CLSTN1: variants seen among roughly 807,000 people sequenced by gnomAD.
CLSTN1 encodes calsyntenin-1.
CLSTN1 carries 28 observed loss-of-function variants against 108.3 expected under a neutral mutation model. That is an observed-to-expected ratio of 0.26 (90% CI 0.19 to 0.35). The LOEUF (loss-of-function observed/expected upper bound fraction) is 0.35, where lower values mean the gene tolerates loss of function less well. Ranked by LOEUF, CLSTN1 falls within the 10% of genes least tolerant of loss-of-function variation. The pLI is 1.00. For missense variants in CLSTN1, 1,157 were observed against 1,302.6 expected (o/e 0.89, Z 1.72); for synonymous variants, 524 against 534.9 (o/e 0.98, Z 0.28).
intron 1 of CLSTN1, among the ~76,000 whole-genome samples, chr1:9,800,647 G>A (rs887584883): frequency 2.7e-5 from 4 of 149,454 alleles, no homozygotes; most frequent in African/African-American, 4.9e-5. Context: ...GGAGAATGAC[G>A]TGAACCCAGG....
intron 1 of CLSTN1, among the ~76,000 whole-genome samples, chr1:9,786,462 C>T (rs1411003018): frequency 6.6e-6 from 1 of 151,624 alleles, no homozygotes; most frequent in Non-Finnish European, 1.5e-5. Context: ...GCCAACATGG[C>T]GAAACCCCGT....
At position 9,734,411 on chromosome 1, in the gene CLSTN1, C is replaced by A. The variant is rs538154916; in HGVS notation, c.2111-269G>T. 5.9e-5 allele frequency among the ~76,000 whole-genome samples: 9 copies of A among 152,204 alleles called. No homozygotes were observed. The highest frequency in any genetic ancestry group is 3.9e-4 in the Admixed American group (6 of 15,282). On this transcript the variant is annotated intron_variant, in intron 14 of 18. Coordinates refer to ENST00000377298, the MANE Select transcript of CLSTN1 (RefSeq NM_001009566.3). This position sits in a 1 kb window ranked among gnomAD's most constrained non-coding sequence, Gnocchi z 4.8. ...CCAACAGGGTGAAAGCCCGTCTCTACTAAAAATACAAAAATTAACCGGGCG... is the reference window on the plus strand; with the variant it reads ...CCAACAGGGTGAAAGCCCGTCTCTAATAAAAATACAAAAATTAACCGGGCG...
intron 1 of CLSTN1, among the ~76,000 whole-genome samples, chr1:9,791,970 G>A (rs1418918056): frequency 1.3e-5 from 2 of 150,964 alleles, no homozygotes; most frequent in Non-Finnish European, 2.9e-5. Flanking sequence ...CCAACATGGG[G>A]AAATCATGTC....
At chr1:9,787,188 GGCTTCTGTTTCCCC>G (rs2101210917) in intron 1 of CLSTN1, among the ~76,000 whole-genome samples, 1 of 150,316 alleles carries the variant, frequency 6.7e-6, no homozygotes, top group East Asian at 2.0e-4. Context: ...CAGAAGAAGG[GGCTTCTGTTTCCCC>G]CTTCTTCCAT....
rs542380649 is a variant in CLSTN1 at position 9,741,165 on chromosome 1, G to C, written c.1448C>G (p.Ser483Cys). ...ATGGAGCGGGTAATCCTCAGTCACA[G>C]AGAAGGGCTCGTGGGACGTGCCATC... ...YVDGTSHEPF[S>C]VTEDYPLHPS... The change falls in exon 10 of 19, where the codon TCT becomes TGT. Residue 483 changes from serine to cysteine, a missense_variant. Ser to Cys is a moderately radical substitution (Grantham distance 112). Transcript: ENST00000377298. 15 of 1,614,206 alleles carry C rather than the reference G, an allele frequency of 9.3e-6. No homozygotes were observed. Among genetic ancestry groups the C allele is most frequent in the Non-Finnish European group, 1.3e-5 (15 of 1,180,038 alleles).
At chr1:9,789,209 C>T (rs564061675) in intron 1 of CLSTN1, among the ~76,000 whole-genome samples, 1 of 151,340 alleles carries the variant, frequency 6.6e-6, no homozygotes, top group African/African-American at 2.4e-5. Context: ...CTGGATCATA[C>T]GGTGATTCTA....
chr1:9,731,103 C>T (rs576910222), intron 18 of CLSTN1, 103 bp downstream of exon 18: 22 of 1,359,190 alleles, frequency 1.6e-5, no homozygotes, highest in Middle Eastern at 2.0e-4. Context: ...GCAGATGACG[C>T]GATGGAAAGC....
intron 1 of CLSTN1, among the ~76,000 whole-genome samples, chr1:9,780,009 C>A (rs1315080323): frequency 6.6e-6 from 1 of 152,238 alleles, no homozygotes; most frequent in Admixed American, 6.5e-5. Flanking sequence ...TGCATCACCA[C>A]ACTCGGCTAA....
chr1:9,748,017 C>A (rs180965462), intron 7 of CLSTN1, among the ~76,000 whole-genome samples: 333 of 150,986 alleles, frequency 2.2e-3, no homozygotes, highest in Admixed American at 6.1e-3. Context: ...GCACTCCAGC[C>A]TGGGTGACAG....
intron 11 of CLSTN1, among the ~76,000 whole-genome samples, chr1:9,737,000 G>A (rs1650725927): frequency 1.3e-5 from 2 of 152,100 alleles, no homozygotes; most frequent in Non-Finnish European, 1.5e-5. Flanking sequence ...TTGCACCCAG[G>A]AGGTGGAGGT....
At chr1:9,782,809 C>A (rs1349961097) in intron 1 of CLSTN1, among the ~76,000 whole-genome samples, 1 of 151,936 alleles carries the variant, frequency 6.6e-6, no homozygotes, top group Non-Finnish European at 1.5e-5. Context: ...GAGTTCAAGA[C>A]CAACCTGGCC....
chr1:9,759,156 C>T (rs1332224215), intron 2 of CLSTN1, among the ~76,000 whole-genome samples: 1 of 152,174 alleles, frequency 6.6e-6, no homozygotes, highest in Non-Finnish European at 1.5e-5. Flanking sequence ...CTGCAAACTG[C>T]CGTTTCCAGA....
chr1:9,763,310 C>T (rs915936828), intron 2 of CLSTN1, among the ~76,000 whole-genome samples: 7 of 152,142 alleles, frequency 4.6e-5, no homozygotes, highest in African/African-American at 9.7e-5. Flanking sequence ...CCAAGAGTTA[C>T]GCTCTCGCAA....
chr1:9,798,711 T>C (rs1266424880), intron 1 of CLSTN1, among the ~76,000 whole-genome samples: 1 of 152,176 alleles, frequency 6.6e-6, no homozygotes, highest in Non-Finnish European at 1.5e-5. Context: ...GCCACTGGAT[T>C]GTACATTTTA....
At chr1:9,820,817 GA>G (rs1283656998) in intron 1 of CLSTN1, among the ~76,000 whole-genome samples, 1 of 152,158 alleles carries the variant, frequency 6.6e-6, no homozygotes, top group Non-Finnish European at 1.5e-5. Context: ...AGGCATGTTA[GA>G]ATGGGCTAAG....
Position 9,728,993 on chromosome 1 carries a change from C to T in CLSTN1, c.*1515G>A, listed in dbSNP as rs1190221205. ...AGGGAGTGTAGGTTTAAAACCAAAA[C>T]AGGAGAGAAGACAAACCCCGCTCCG... On this transcript the variant is annotated 3_prime_UTR_variant, in exon 19 of 19. Coordinates refer to ENST00000377298, the MANE Select transcript of CLSTN1 (RefSeq NM_001009566.3). The T allele has an allele frequency of 6.6e-6, 1 of 152,184 alleles. No individual in the cohort carries two copies. The highest frequency in any genetic ancestry group is 1.5e-5 in the Non-Finnish European group (1 of 68,034). 9.4% of individuals were successfully genotyped at this position (152,184 alleles called of 1,614,324 possible).
chr1:9,746,722 A>T (rs1328775689), intron 7 of CLSTN1, among the ~76,000 whole-genome samples: 2 of 151,636 alleles, frequency 1.3e-5, no homozygotes, highest in Non-Finnish European at 2.9e-5. Flanking sequence ...AAAAGAAAAA[A>T]AAAAACCACA....
intron 1 of CLSTN1, among the ~76,000 whole-genome samples, chr1:9,786,742 TG>T (rs556295408): frequency 1.1e-3 from 166 of 149,484 alleles, no homozygotes; most frequent in African/African-American, 3.9e-3. Flanking sequence ...CTGGGACACC[TG>T]CCTGTCCGCC....
At chr1:9,804,397 C>T (rs1654418819) in intron 1 of CLSTN1, among the ~76,000 whole-genome samples, 2 of 150,646 alleles carry the variant, frequency 1.3e-5, no homozygotes, top group Admixed American at 1.3e-4. Context: ...GGGTAATAAT[C>T]CACAAGCACG....
Sources: allele counts gnomAD v4.1 joint callset (sites outside exome capture counted in the v4.1 genomes callset), GRCh38; gene constraint gnomAD v4.1.1; non-coding constraint Gnocchi (gnomAD v3.1); transcripts MANE v1.5; gene names NCBI Gene and HGNC (gene_info 2026-07-23, HGNC 2026-07-21).